The following GZMH variants were observed in gnomAD, a reference collection of about 807,000 sequenced individuals.
The protein encoded by GZMH is cathepsin G-like 2, protein h-CCPX.
GZMH carries 24 observed loss-of-function variants against 20.7 expected under a neutral mutation model. The ratio of observed to expected loss-of-function variants is 1.16; its 90% CI spans 0.84 to 1.63. The LOEUF (loss-of-function observed/expected upper bound fraction) is 1.63, where lower values mean the gene tolerates loss of function less well. GZMH is among the 40% of genes most tolerant of loss of function. The pLI, the probability that GZMH is intolerant of heterozygous loss-of-function variation, is 0.00. For missense variants in GZMH, 344 were observed against 302.7 expected, an observed-to-expected ratio of 1.14 and a Z score of -1.01; for synonymous variants, 119 against 116.1, an observed-to-expected ratio of 1.02 and a Z score of -0.16.
intron 1 of GZMH, 81 bp from the exon 2 acceptor site, chr14:24,608,493 G>A (rs2066889170): frequency 6.6e-7 from 1 of 1,510,224 alleles, no homozygotes; most frequent in South Asian, 1.2e-5. Flanking sequence ...GTGATTGAGG[G>A]TGAAGTGTTT....
rs1399796281 is a variant in GZMH, at chr14:24,607,696, G to A, written c.255C>T (p.Thr85=). The change falls in exon 3 of 5, where the codon ACC becomes ACT. Residue 85 remains threonine, a synonymous_variant. Transcript: ENST00000216338. ...GAHNIKEQER[T]QQFIPVKRPI... Reference sequence around the variant, plus strand: ...GTCTTTTCACAGGGATAAACTGCTGGGTCCGCTCCTGTTCCTTGATATTGT... The same window carrying A: ...GTCTTTTCACAGGGATAAACTGCTGAGTCCGCTCCTGTTCCTTGATATTGT... The A allele has an allele frequency of 8.1e-6, 13 of 1,613,940 alleles. No homozygotes were observed. Among genetic ancestry groups the A allele is most frequent in the Non-Finnish European group, 1.1e-5 (13 of 1,179,896 alleles).
Position 24,607,400 on chromosome 14 carries a change from TC to T in GZMH, c.345del (p.Arg116GlufsTer21), listed in dbSNP as rs1228527421. ...FSNDIMLLQL[E>X]RKAKWTTAVR... ...ACAGCTGTGGTCCACTTGGCCTTTC[TC>T]TCCAGCTGGTGGGGAAGAAGCAAGA... is the stretch of plus-strand genomic sequence containing the variant. On this transcript the variant is annotated frameshift_variant, in exon 4 of 5. Coordinates refer to ENST00000216338, the MANE Select transcript of GZMH (RefSeq NM_033423.5). LOFTEE classifies it high-confidence loss of function. 10 of 1,593,396 alleles carry T rather than the reference TC, an allele frequency of 6.3e-6. No homozygotes were observed. The highest frequency in any genetic ancestry group is 1.7e-5 in the Admixed American group (1 of 59,132).
chr14:24,608,525 G>C, intron 1 of GZMH, 113 bp from the exon 2 acceptor site: 4 of 1,189,238 alleles, frequency 3.4e-6, no homozygotes, highest in Non-Finnish European at 3.6e-6. Flanking sequence ...GACAGTGAGG[G>C]AGGGGTCCTC....
In GZMH at chr14:24,607,662, G is replaced by C. The variant is rs1487375007; in HGVS notation, c.289C>G (p.His97Asp). The change falls in exon 3 of 5, where the codon CAT (histidine) becomes GAT (aspartate). Residue 97 changes from histidine to aspartate, a missense_variant. Transcript: ENST00000216338. ...AAGTTCTTAGGATTATAGGCTGGAT[G>C]GGGGATGGGTCTTTTCACAGGGATA... ...QFIPVKRPIP[H>D]PAYNPKNFSN... 6.2e-7 allele frequency: 1 copy of C among 1,613,466 alleles called. No homozygotes were observed. The highest frequency in any genetic ancestry group is 2.2e-5 in the East Asian group (1 of 44,884).
At position 24,608,421 on chromosome 14, in the gene GZMH, A is replaced by G; in HGVS notation, c.56-9T>C. The G allele has an allele frequency of 6.2e-7, 1 of 1,613,826 alleles. No homozygotes were observed. Among genetic ancestry groups the G allele is most frequent in the South Asian group, 1.1e-5 (1 of 91,018 alleles). On this transcript the variant is annotated splice_polypyrimidine_tract_variant and intron_variant, in intron 1 of 4. Transcript: ENST00000216338. ...GCCCCCGATGATCTCCTCTGAAAGGAAAGACTGGAAGATAAAGTAGCTGGG... is the reference window on the plus strand; with the variant it reads ...GCCCCCGATGATCTCCTCTGAAAGGGAAGACTGGAAGATAAAGTAGCTGGG...
At chr14:24,606,931 A>G (rs2138478799) in intron 4 of GZMH, among the ~76,000 whole-genome samples, 185 bp from the exon 5 acceptor site, 1 of 152,080 alleles carries the variant, frequency 6.6e-6, no homozygotes, top group East Asian at 1.9e-4. Context: ...TGCAATTCTC[A>G]CGGACACTTT....
intron 1 of GZMH, 122 bp from the exon 2 acceptor site, chr14:24,608,534 T>C (rs1297260202): frequency 9.6e-7 from 1 of 1,045,092 alleles, no homozygotes; most frequent in Admixed American, 2.0e-5. Context: ...GGAGGGGTCC[T>C]CCTGAGCTCT....
In GZMH at chr14:24,608,487, T is replaced by C; in HGVS notation, c.56-75A>G. On this transcript the variant is annotated intron_variant, in intron 1 of 4. Transcript: ENST00000216338. Reference sequence around the variant, plus strand: ...GAGAGAAGGCTTAGGACGACAGTGATTGAGGGTGAAGTGTTTTGTGTGCTG... The same window carrying C: ...GAGAGAAGGCTTAGGACGACAGTGACTGAGGGTGAAGTGTTTTGTGTGCTG... 4 of 1,535,468 alleles carry C rather than the reference T, an allele frequency of 2.6e-6. No individual in the cohort carries two copies. In the Admixed American group the frequency reaches 6.8e-5, roughly 26 times the overall value.
intron 1 of GZMH, among the ~76,000 whole-genome samples, chr14:24,609,148 G>A (rs1028371044): frequency 2.2e-4 from 33 of 152,300 alleles, no homozygotes; most frequent in African/African-American, 7.7e-4. Context: ...CTTCCCTCCT[G>A]GCAGGGGTGA....
chr14:24,609,132 C>T (rs1181853178), intron 1 of GZMH, among the ~76,000 whole-genome samples: 3 of 152,198 alleles, frequency 2.0e-5, no homozygotes, highest in East Asian at 1.9e-4. Context: ...TCAGTTGCAC[C>T]ATGGGCTTCC....
Position 24,606,683 on chromosome 14 carries a change from T to G in GZMH, c.661A>C (p.Lys221Gln). 1 of 1,614,006 alleles carries G rather than the reference T, an allele frequency of 6.2e-7. No homozygotes were observed. The highest frequency in any genetic ancestry group is 8.5e-7 in the Non-Finnish European group (1 of 1,179,856). Residue 221 changes from lysine (K) to glutamine (Q), a missense_variant, in exon 5 of 5, where the codon AAA (lysine) becomes CAA (glutamine). Lys to Gln is a moderately conservative substitution (Grantham distance 53). Coordinates refer to ENST00000216338, the MANE Select transcript of GZMH (RefSeq NM_033423.5). The part of the protein sequence containing the change: ...VAQGILSYGN[K>Q]KGTPPGVYIK... ...TAGACTCCTGGAGGTGTCCCTTTTT[T>G]GTTTCCATAGGAGAGAATACCTTGG... is the stretch of plus-strand genomic sequence containing the variant.
Position 24,607,686 on chromosome 14 carries a change from T to C in GZMH, c.265A>G (p.Ile89Val). Residue 89 changes from isoleucine to valine, a missense_variant, in exon 3 of 5, where the codon ATC becomes GTC. Physicochemically the swap from Ile to Val is conservative, Grantham distance 29. Coordinates refer to ENST00000216338, the MANE Select transcript of GZMH (RefSeq NM_033423.5). ...TGGGGGATGGGTCTTTTCACAGGGA[T>C]AAACTGCTGGGTCCGCTCCTGTTCC... ...IKEQERTQQF[I>V]PVKRPIPHPA... The C allele has an allele frequency of 3.1e-6, 5 of 1,613,866 alleles. No homozygotes were observed. Among genetic ancestry groups the C allele is most frequent in the Non-Finnish European group, 4.2e-6 (5 of 1,179,882 alleles).
chr14:24,607,189 A>G lies in GZMH; in HGVS notation c.557T>C (p.Ile186Thr). The change falls in exon 4 of 5, where the codon ATT becomes ACT. Residue 186 changes from isoleucine to threonine, a missense_variant. Coordinates refer to ENST00000216338, the MANE Select transcript of GZMH (RefSeq NM_033423.5). ...TGTCTTCTTTGGATCCCCCACACAA[A>G]TCTCAGTGGCTCTGCTGTAATTGCC... Reference protein sequence around the residue: ...FHGNYSRATEICVGDPKKTQT... With the variant: ...FHGNYSRATETCVGDPKKTQT... 6.2e-7 allele frequency: 1 copy of G among 1,613,918 alleles called. No individual in the cohort carries two copies. The highest frequency in any genetic ancestry group is 8.5e-7 in the Non-Finnish European group (1 of 1,179,904).
chr14:24,608,983 A>G (rs2066892287), intron 1 of GZMH, among the ~76,000 whole-genome samples: 1 of 152,256 alleles, frequency 6.6e-6, no homozygotes, highest in African/African-American at 2.4e-5. Flanking sequence ...AGAGGGGGTT[A>G]TCACCAGGTC....
chr14:24,607,363 C>T lies in GZMH; in HGVS notation c.383G>A (p.Arg128Lys). The change falls in exon 4 of 5, where the codon AGG becomes AAG. Residue 128 changes from arginine (R) to lysine (K), a missense_variant. Coordinates refer to ENST00000216338, the MANE Select transcript of GZMH (RefSeq NM_033423.5). ...CACCTGGGCCTTGCTGCTAGGTAGC[C>T]TGAGAGGCCGCACAGCTGTGGTCCA... ...AKWTTAVRPL[R>K]LPSSKAQVKP... 6.2e-7 allele frequency: 1 copy of T among 1,608,986 alleles called. No homozygotes were observed. Among genetic ancestry groups the T allele is most frequent in the Non-Finnish European group, 8.5e-7 (1 of 1,176,158 alleles).
In GZMH at chr14:24,609,588, G is replaced by A. The variant is rs761172508; in HGVS notation, c.26C>T (p.Ala9Val). 1 of 1,611,286 alleles carries A rather than the reference G, an allele frequency of 6.2e-7. No individual in the cohort carries two copies. Among genetic ancestry groups the A allele is most frequent in the Non-Finnish European group, 8.5e-7 (1 of 1,178,686 alleles). Residue 9 changes from alanine (A) to valine (V), a missense_variant, in exon 1 of 5, where the codon GCC (alanine) becomes GTC (valine). Transcript: ENST00000216338. The stretch of plus-strand genomic sequence containing the variant: ...CCCAGCCCCAGGGGTCAGAAGAAAG[G>A]CCAACAGGAGGAGGAATGGCTGCAT... MQPFLLLL[A>V]FLLTPGAGTE...
chr14:24,606,771 G>C, intron 4 of GZMH, 25 bp from the exon 5 acceptor site: 15 of 1,606,912 alleles, frequency 9.3e-6, no homozygotes, highest in Non-Finnish European at 1.3e-5. Flanking sequence ...AGGAAAGACT[G>C]AGCTAGTGTT....
At chr14:24,607,004 G>T in intron 4 of GZMH, 145 bp downstream of exon 4, 1 of 864,002 alleles carries the variant, frequency 1.2e-6, no homozygotes, top group Non-Finnish European at 1.8e-6. Context: ...CACCCAAGGA[G>T]TGGACTAAAG....
At position 24,606,635 on chromosome 14, in the gene GZMH, G is replaced by A. The variant is rs2066869893; in HGVS notation, c.709C>T (p.Pro237Ser). Residue 237 changes from proline to serine, a missense_variant, in exon 5 of 5, where the codon CCC (proline) becomes TCC (serine). Transcript: ENST00000216338. Reference sequence around the variant, plus strand: ...CGCTTCATTGTTCTCTTTATCCAGGGCAGGAAGTGTGAGACCTTGATGTAG... The same window carrying A: ...CGCTTCATTGTTCTCTTTATCCAGGACAGGAAGTGTGAGACCTTGATGTAG... ...GVYIKVSHFLPWIKRTMKRL is the reference protein window; with the variant it reads ...GVYIKVSHFLSWIKRTMKRL 8 of 1,613,928 alleles carry A rather than the reference G, an allele frequency of 5.0e-6. No individual in the cohort carries two copies. Among genetic ancestry groups the A allele is most frequent in the Middle Eastern group, 3.3e-4 (2 of 6,082 alleles).
Sources: gnomAD v4.1 joint callset for allele counts (sites outside exome capture counted in the v4.1 genomes callset) on GRCh38, gnomAD v4.1.1 for gene constraint, MANE v1.5 for transcripts, NCBI Gene and HGNC (gene_info 2026-07-23, HGNC 2026-07-21) for gene names.